The following SYDE2 variants were observed in gnomAD, a reference collection of about 807,000 sequenced individuals.
SYDE2 encodes rho GTPase-activating protein SYDE2.
SYDE2 carries 76 observed loss-of-function variants against 91.5 expected under a neutral mutation model. The ratio of observed to expected loss-of-function variants is 0.83; its 90% CI spans 0.69 to 1.01. The LOEUF (loss-of-function observed/expected upper bound fraction) is 1.01, where lower values mean the gene tolerates loss of function less well. Among genes scored for constraint, SYDE2 ranks in the 50% least tolerant of loss-of-function variants. The probability of loss-of-function intolerance (pLI) is 0.00; values close to 1 mark genes in which losing one functional copy is unlikely to be tolerated. For synonymous variants in SYDE2, 513 were observed against 506.4 expected (o/e 1.01, Z -0.18); for missense variants, 1,364 against 1,367.7 (o/e 1.00, Z 0.04).
intron 2 of SYDE2, among the ~76,000 whole-genome samples, chr1:85,185,361 T>C (rs1300295771): frequency 1.3e-5 from 2 of 151,598 alleles, no homozygotes; most frequent in East Asian, 3.8e-4. Flanking sequence ...AAATGTCTGT[T>C]AGTCTTTCCA....
In SYDE2 at chr1:85,190,085, G is replaced by A; in HGVS notation, c.1413C>T (p.Asp471=). The A allele has an allele frequency of 6.2e-7, 1 of 1,612,852 alleles. No individual in the cohort carries two copies. Among genetic ancestry groups the A allele is most frequent in the South Asian group, 1.1e-5 (1 of 90,930 alleles). The change falls in exon 2 of 7, where the codon GAC becomes GAT. Residue 471 remains aspartate (D), a synonymous_variant. Coordinates refer to ENST00000341460, the MANE Select transcript of SYDE2 (RefSeq NM_032184.2). Reference sequence around the variant, plus strand: ...CAAAAGGAGATTTCAACATGGGACTGTCCTCCACCATTATACCTTCTTGTG... The same window carrying A: ...CAAAAGGAGATTTCAACATGGGACTATCCTCCACCATTATACCTTCTTGTG... ...HKTQEGIMVE[D]SPMLKSPFAG...
In SYDE2 at chr1:85,182,435, A is replaced by G. The variant is rs1360945034; in HGVS notation, c.2207T>C (p.Ile736Thr). 18 of 1,613,448 alleles carry G rather than the reference A, an allele frequency of 1.1e-5. No homozygotes were observed. The highest frequency in any genetic ancestry group is 1.6e-4 in the Middle Eastern group (1 of 6,084). ...LDMDHTFNIE[I>T]ENAQHLKLVV... The stretch of plus-strand genomic sequence containing the variant: ...TAGTTTCAAATGTTGTGCATTTTCA[A>G]TTTCTATGTTGAAAGTGTGATCCAT... The change falls in exon 3 of 7, where the codon ATT (isoleucine) becomes ACT (threonine). Residue 736 changes from isoleucine (I) to threonine (T), a missense_variant. Physicochemically the swap from Ile to Thr is moderately conservative, Grantham distance 89. Transcript: ENST00000341460.
intron 2 of SYDE2, 34 bp downstream of exon 2, chr1:85,190,023 G>GAAGA: frequency 6.8e-7 from 1 of 1,463,706 alleles, no homozygotes; most frequent in Non-Finnish European, 9.2e-7. Flanking sequence ...AAAAATGGAA[G>GAAGA]AAGAAAGAAA....
Position 85,182,669 on chromosome 1 carries a change from A to G in SYDE2, c.1973T>C (p.Ile658Thr). 2.5e-6 allele frequency: 4 copies of G among 1,613,762 alleles called. No individual in the cohort carries two copies. Among genetic ancestry groups the G allele is most frequent in the African/African-American group, 1.3e-5 (1 of 75,036 alleles). The change falls in exon 3 of 7, where the codon ATA (isoleucine) becomes ACA (threonine). Residue 658 changes from isoleucine (I) to threonine (T), a missense_variant. Ile to Thr is a moderately conservative substitution (Grantham distance 89). Coordinates refer to ENST00000341460, the MANE Select transcript of SYDE2 (RefSeq NM_032184.2). The stretch of plus-strand genomic sequence containing the variant: ...ATAATGCCTAAAAGCATCAATGTCT[A>G]TTTCATTCTTGCTACAACTATTTGA... ...IISNSCSKNEIDIDAFRHYSF... is the reference protein window; with the variant it reads ...IISNSCSKNETDIDAFRHYSF...
Position 85,183,194 on chromosome 1 carries a change from C to A in SYDE2, c.1448G>T (p.Gly483Val). 6.5e-7 allele frequency: 1 copy of A among 1,545,900 alleles called. No homozygotes were observed. The highest frequency in any genetic ancestry group is 8.7e-7 in the Non-Finnish European group (1 of 1,153,280). The change falls in exon 3 of 7, where the codon GGG becomes GTG. Residue 483 changes from glycine (G) to valine (V), a missense_variant. Transcript: ENST00000341460. ...PMLKSPFAGSGILAATNSTEL... is the reference protein window; with the variant it reads ...PMLKSPFAGSVILAATNSTEL... ...AGTACTATTTGTAGCAGCCAGGATC[C>A]CAGAACCTTAAAAGAAAGAAAGAAA...
At chr1:85,168,112 CTT>C (rs750488537) in intron 5 of SYDE2, among the ~76,000 whole-genome samples, 3 of 146,950 alleles carry the variant, frequency 2.0e-5, no homozygotes, top group Non-Finnish European at 3.0e-5. Flanking sequence ...GAGACTCCTT[CTT>C]CAAAAAAAAA....
chr1:85,162,136 ATCT>A (rs1657084942), intron 6 of SYDE2, among the ~76,000 whole-genome samples: 1 of 152,254 alleles, frequency 6.6e-6, no homozygotes, highest in Non-Finnish European at 1.5e-5. Flanking sequence ...AAAGCAAATT[ATCT>A]TCTTGCCCAA....
intron 1 of SYDE2, among the ~76,000 whole-genome samples, chr1:85,194,505 T>TTA (rs1658504232): frequency 6.7e-6 from 1 of 148,258 alleles, no homozygotes; most frequent in South Asian, 2.1e-4. Flanking sequence ...TAAAAATATG[T>TTA]TATATATACA....
In SYDE2 at chr1:85,190,308, A is replaced by G. The variant is rs1052022898; in HGVS notation, c.1190T>C (p.Leu397Pro). 1.9e-6 allele frequency: 3 copies of G among 1,613,868 alleles called. No individual in the cohort carries two copies. The highest frequency in any genetic ancestry group is 2.7e-5 in the African/African-American group (2 of 74,926). ...LSFGEADSAV[L>P]KLPAVNLSML... The stretch of plus-strand genomic sequence containing the variant: ...GCTCAAATTGACAGCAGGGAGCTTC[A>G]GAACAGCAGAGTCGGCCTCACCAAA... Residue 397 changes from leucine (L) to proline (P), a missense_variant, in exon 2 of 7, where the codon CTG becomes CCG. Coordinates refer to ENST00000341460, the MANE Select transcript of SYDE2 (RefSeq NM_032184.2).
intron 6 of SYDE2, chr1:85,161,171 T>A: frequency 3.3e-6 from 3 of 915,826 alleles, no homozygotes; most frequent in Non-Finnish European, 3.9e-6. Context: ...GAATTCAAAA[T>A]GTAATAAGTA....
intron 1 of SYDE2, among the ~76,000 whole-genome samples, chr1:85,192,739 T>C (rs1570275025): frequency 6.6e-6 from 1 of 152,104 alleles, no homozygotes. Context: ...CTCAAAGAGT[T>C]TGAGAAATAT....
At chr1:85,154,809 G>A (rs1225678306), downstream of SYDE2, among the ~76,000 whole-genome samples, 1 of 151,858 alleles carries the variant, frequency 6.6e-6, no homozygotes, top group Non-Finnish European at 1.5e-5. Context: ...ATAGTGAAAT[G>A]TCTTCAAAAT....
At chr1:85,179,933 A>G (rs1657847037) in intron 3 of SYDE2, among the ~76,000 whole-genome samples, 1 of 143,898 alleles carries the variant, frequency 6.9e-6, no homozygotes, top group East Asian at 2.0e-4. Context: ...TCACAAATAT[A>G]ATTTTTTAAA....
At chr1:85,156,107 G>C (rs1656875656), downstream of SYDE2, among the ~76,000 whole-genome samples, 1 of 152,180 alleles carries the variant, frequency 6.6e-6, no homozygotes, top group Non-Finnish European at 1.5e-5. Flanking sequence ...AGAAACAGCA[G>C]CAAGAAACGT....
chr1:85,188,296 T>G (rs1658231402), intron 2 of SYDE2, among the ~76,000 whole-genome samples: 1 of 152,064 alleles, frequency 6.6e-6, no homozygotes, highest in Non-Finnish European at 1.5e-5. Context: ...AGCCTATAAT[T>G]AGAAATGCAC....
At chr1:85,160,177 A>C in intron 6 of SYDE2, 1 of 984,936 alleles carries the variant, frequency 1.0e-6, no homozygotes, top group Non-Finnish European at 1.2e-6. Context: ...TCCCTGCACT[A>C]AGATAAAGCA....
At chr1:85,172,140 C>A (rs1416583613) in intron 4 of SYDE2, among the ~76,000 whole-genome samples, 2 of 152,168 alleles carry the variant, frequency 1.3e-5, no homozygotes, top group Non-Finnish European at 2.9e-5. Context: ...AAGATCATTT[C>A]TCTATTATTA....
At chr1:85,167,492 T>C (rs1657332872) in intron 5 of SYDE2, among the ~76,000 whole-genome samples, 1 of 152,212 alleles carries the variant, frequency 6.6e-6, no homozygotes, top group African/African-American at 2.4e-5. Context: ...TCTGGCTCTA[T>C]TGCCCAGGCT....
At position 85,182,890 on chromosome 1, in the gene SYDE2, A is replaced by G. The variant is rs1256716510; in HGVS notation, c.1752T>C (p.Ala584=). The change falls in exon 3 of 7, where the codon GCT becomes GCC. Residue 584 remains alanine (A), a synonymous_variant. Transcript: ENST00000341460. ...GGTATCGGCTTATAACATTCCTCTT[A>G]GCAGCGGTGGTTGTGTTCCCAGAGG... ...ILPSGNTTTA[A]KRNVISRYHL... 2 of 1,613,776 alleles carry G rather than the reference A, an allele frequency of 1.2e-6. No individual in the cohort carries two copies. The highest frequency in any genetic ancestry group is 8.5e-7 in the Non-Finnish European group (1 of 1,179,792).
Sources: gnomAD v4.1 joint callset for allele counts (sites outside exome capture counted in the v4.1 genomes callset) on GRCh38, gnomAD v4.1.1 for gene constraint, MANE v1.5 for transcripts, NCBI Gene and HGNC (gene_info 2026-07-23, HGNC 2026-07-21) for gene names.